The following GGT1 variants were observed in gnomAD, a reference collection of about 807,000 sequenced individuals.
GGT1 encodes the protein gamma-glutamyltransferase 1, also known as glutathione hydrolase 1 proenzyme.
GGT1 carries 21 observed loss-of-function variants against 56.0 expected under a neutral mutation model. The ratio of observed to expected loss-of-function variants is 0.38; its 90% CI spans 0.27 to 0.54. GGT1 has a LOEUF of 0.54. Among genes scored for constraint, GGT1 ranks in the 20% least tolerant of loss-of-function variants. GGT1 has a pLI of 0.82. For missense variants in GGT1, 466 were observed against 787.0 expected (o/e 0.59, Z 4.88); for synonymous variants, 238 against 342.6 (o/e 0.69, Z 3.37).
At position 24,628,052 on chromosome 22, in the gene GGT1, G is replaced by A. The variant is rs1346837967; in HGVS notation, c.1337-29G>A. 4 of 1,611,498 alleles carry A rather than the reference G, an allele frequency of 2.5e-6. No homozygotes were observed. Among genetic ancestry groups the A allele is most frequent in the Admixed American group, 1.7e-5 (1 of 60,006 alleles). ...GGTGTCCTGGGCAGGCAGCTGACGG[G>A]CATCCCTGTCTTCTCCCATCGGCCG... On this transcript the variant is annotated intron_variant, in intron 13 of 15. Transcript: ENST00000400382. The surrounding 1 kb of genome is among the most constrained non-coding windows in gnomAD (Gnocchi z 5.7).
intron 5 of GGT1, among the ~76,000 whole-genome samples, chr22:24,611,513 TCCTATCTATCTATCTA>T (rs1456095954): frequency 3.1e-5 from 4 of 128,810 alleles, no homozygotes; most frequent in African/African-American, 1.2e-4. Context: ...ACTTATTTCT[TCCTATCTATCTATCTA>T]TCTATCTATC....
intron 7 of GGT1, among the ~76,000 whole-genome samples, chr22:24,618,048 G>A (rs1403176502): frequency 6.6e-6 from 1 of 152,126 alleles, no homozygotes; most frequent in East Asian, 1.9e-4. Context: ...AGTCTGATTG[G>A]CCTGAGGTCA....
At chr22:24,605,822 T>TATATGATGTGTATTATATATTATATAA (rs2046204350) in intron 1 of GGT1, among the ~76,000 whole-genome samples, 2 of 66,760 alleles carry the variant, frequency 3.0e-5, no homozygotes, top group African/African-American at 1.7e-4. Flanking sequence ...ATATTATATA[T>TATATGATGTGTATTATATATTATATAA]TATATGATGT....
chr22:24,602,718 G>C (rs1358376479), upstream of GGT1, among the ~76,000 whole-genome samples: 1 of 152,190 alleles, frequency 6.6e-6, no homozygotes, highest in African/African-American at 2.4e-5. Context: ...TGGAGTGACA[G>C]CTCCTAGAGC....
upstream of GGT1, among the ~76,000 whole-genome samples, chr22:24,594,391 A>ATGTGTGTGTGTGTGTG (rs61535476): frequency 7.0e-6 from 1 of 142,208 alleles, no homozygotes; most frequent in East Asian, 2.0e-4. Flanking sequence ...ACCCGTGTGT[A>ATGTGTGTGTGTGTGTG]TGTGTGTGTG....
At chr22:24,586,038 G>T in the GGT1 span, 1 of 1,611,124 alleles carries the variant, frequency 6.2e-7, no homozygotes, top group East Asian at 2.2e-5. Context: ...TGGCTCAGCC[G>T]CCGGCGCAGG....
At chr22:24,590,418 A>C (rs1374127259), upstream of GGT1, among the ~76,000 whole-genome samples, 1 of 152,128 alleles carries the variant, frequency 6.6e-6, no homozygotes, top group Non-Finnish European at 1.5e-5. Context: ...TCAGCCTTGG[A>C]GGACCCTTTG....
chr22:24,607,949 C>G lies in GGT1; in HGVS notation c.-428-5C>G. 2.1e-6 allele frequency: 1 copy of G among 468,206 alleles called. No homozygotes were observed. The highest frequency in any genetic ancestry group is 4.4e-6 in the Non-Finnish European group (1 of 226,482). The allele number at this position is 468,206 out of a possible 1,614,324, so 29.0% of individuals were successfully genotyped here. On this transcript the variant is annotated splice_polypyrimidine_tract_variant and splice_region_variant and intron_variant, in intron 1 of 15. Coordinates refer to ENST00000400382, the MANE Select transcript of GGT1 (RefSeq NM_001288833.2). ...AGGCAGACAAGTCTGTCTCTTCCTC[C>G]CCAGCGGGTGCAGCCCAGAACTGTC...
chr22:24,598,550 T>C (rs191493563), upstream of GGT1, among the ~76,000 whole-genome samples: 301 of 152,076 alleles, frequency 2.0e-3, no homozygotes, highest in Non-Finnish European at 3.2e-3. Flanking sequence ...GTTTCTGTCC[T>C]GGTAGAGCTG....
In GGT1 at chr22:24,610,310, G is replaced by T. The variant is rs2046576686; in HGVS notation, c.-229G>T. The T allele has an allele frequency of 3.3e-6, 1 of 299,010 alleles. No homozygotes were observed. Among genetic ancestry groups the T allele is most frequent in the South Asian group, 2.7e-5 (1 of 36,516 alleles). The allele number at this position is 299,010 out of a possible 1,614,324, so 18.5% of individuals were successfully genotyped here. Reference sequence around the variant, plus strand: ...GAGGGAGGTAACACGGAGTCCCCCAGAAAGGTCTGGGCTGCGCGTGCTTCA... The same window carrying T: ...GAGGGAGGTAACACGGAGTCCCCCATAAAGGTCTGGGCTGCGCGTGCTTCA... On this transcript the variant is annotated 5_prime_UTR_variant, in exon 4 of 16. Transcript: ENST00000400382.
intron 5 of GGT1, among the ~76,000 whole-genome samples, chr22:24,612,244 CTTTTTTTTTT>C (rs796939700): frequency 2.7e-5 from 2 of 75,384 alleles, no homozygotes; most frequent in Non-Finnish European, 6.0e-5. Flanking sequence ...CCGGCTTATT[CTTTTTTTTTT>C]TTTTTTTTTT....
At chr22:24,592,303 C>T, upstream of GGT1, 1 of 469,338 alleles carries the variant, frequency 2.1e-6, no homozygotes. Context: ...GCATGAGCCG[C>T]CTGTTGGAGA....
chr22:24,586,431 G>A, the GGT1 span: 1 of 1,594,954 alleles, frequency 6.3e-7, no homozygotes, highest in Non-Finnish European at 8.6e-7. Context: ...AGTGGCAGGT[G>A]GGGATGGACT....
chr22:24,614,789 G>A lies in GGT1; in HGVS notation c.178G>A (p.Asp60Asn). The change falls in exon 6 of 16, where the codon GAC becomes AAC. Residue 60 changes from aspartate to asparagine, a missense_variant. Asp to Asn is a conservative substitution (Grantham distance 23, BLOSUM62 1). Coordinates refer to ENST00000400382, the MANE Select transcript of GGT1 (RefSeq NM_001288833.2). Reference protein sequence around the residue: ...CSKIGRDALRDGGSAVDAAIA... With the variant: ...CSKIGRDALRNGGSAVDAAIA... ...GCCACATGGCAGGGATGCACTGCGG[G>A]ACGGTGGCTCTGCGGTGGATGCAGC... 6.2e-7 allele frequency: 1 copy of A among 1,613,746 alleles called. No individual in the cohort carries two copies. Among genetic ancestry groups the A allele is most frequent in the Non-Finnish European group, 8.5e-7 (1 of 1,179,824 alleles).
At chr22:24,615,236 C>T in intron 7 of GGT1, 109 bp downstream of exon 7, 1 of 724,974 alleles carries the variant, frequency 1.4e-6, no homozygotes, top group South Asian at 1.7e-5. Context: ...GCAGTTCTGT[C>T]ACCCCCCATC....
At chr22:24,595,379 C>T (rs2045674831) in intron 1 of GGT1, among the ~76,000 whole-genome samples, 1 of 152,192 alleles carries the variant, frequency 6.6e-6, no homozygotes, top group Admixed American at 6.5e-5. Context: ...GGGCATGATT[C>T]CACCTCGCTA....
chr22:24,592,860 C>A, upstream of GGT1: 1 of 1,280,652 alleles, frequency 7.8e-7, no homozygotes, highest in Non-Finnish European at 9.9e-7. Context: ...CTCCTTCTCT[C>A]GCCTGGCGCA....
chr22:24,605,102 T>TATATTATATAATATATAATATG (rs1177899278), intron 1 of GGT1, among the ~76,000 whole-genome samples: 1 of 5,120 alleles, frequency 2.0e-4, no homozygotes, highest in Non-Finnish European at 3.1e-4. Flanking sequence ...ATAATATGTA[T>TATATTATATAATATATAATATG]TATATTATAT....
At chr22:24,616,554 C>CT (rs113675142) in intron 7 of GGT1, among the ~76,000 whole-genome samples, 3,459 of 131,922 alleles carry the variant, frequency 0.026, 153 homozygotes, top group African/African-American at 0.08. Flanking sequence ...TTTTTTTTTT[C>CT]TTTTTTTTTT....
Sources: gnomAD v4.1 joint callset for allele counts (sites outside exome capture counted in the v4.1 genomes callset) on GRCh38, gnomAD v4.1.1 for gene constraint, Gnocchi (gnomAD v3.1) non-coding constraint, MANE v1.5 for transcripts, NCBI Gene and HGNC (gene_info 2026-07-23, HGNC 2026-07-21) for gene names.